The following ILKAP variants were observed in gnomAD, a reference collection of about 807,000 sequenced individuals.
ILKAP encodes integrin-linked kinase-associated serine/threonine phosphatase 2C.
ILKAP carries 11 observed loss-of-function variants against 49.1 expected under a neutral mutation model. The observed-to-expected ratio is 0.22, with a 90% CI of 0.14 to 0.37. The LOEUF is 0.37. Among genes scored for constraint, ILKAP ranks in the 10% least tolerant of loss-of-function variants. The pLI is 1.00. For synonymous variants in ILKAP, 186 were observed against 192.8 expected (o/e 0.96, Z 0.29); for missense variants, 363 against 510.8 (o/e 0.71, Z 2.79).
intron 2 of ILKAP, 56 bp from the exon 3 acceptor site, chr2:238,194,387 T>G: frequency 6.5e-7 from 1 of 1,529,876 alleles, no homozygotes; most frequent in Non-Finnish European, 9.1e-7. Flanking sequence ...GACTTAAGTT[T>G]CAGAATCCAT....
chr2:238,192,806 A>G (rs186729021), intron 3 of ILKAP, among the ~76,000 whole-genome samples: 164 of 152,200 alleles, frequency 1.1e-3, no homozygotes, highest in African/African-American at 3.8e-3. Context: ...CAAGGTCAGG[A>G]GTTCGAGACC....
intron 10 of ILKAP, among the ~76,000 whole-genome samples, chr2:238,171,633 C>T (rs1693223046): frequency 6.6e-6 from 1 of 152,170 alleles, no homozygotes; most frequent in Non-Finnish European, 1.5e-5. Flanking sequence ...AGGCAAACTC[C>T]AGAAAAATCA....
chr2:238,201,567 C>T (rs757250514), intron 1 of ILKAP, among the ~76,000 whole-genome samples: 3 of 152,314 alleles, frequency 2.0e-5, no homozygotes, highest in Middle Eastern at 3.4e-3. Context: ...TTGGAAAAAA[C>T]GGCAACAGGA....
At chr2:238,181,613 G>GT (rs1199889845) in intron 9 of ILKAP, among the ~76,000 whole-genome samples, 47 of 144,688 alleles carry the variant, frequency 3.2e-4, no homozygotes, top group East Asian at 6.2e-4. Flanking sequence ...AAAGTGACAG[G>GT]TTTTTTTTTT....
At chr2:238,193,602 T>G (rs982006953) in intron 3 of ILKAP, among the ~76,000 whole-genome samples, 4 of 152,228 alleles carry the variant, frequency 2.6e-5, no homozygotes, top group African/African-American at 9.7e-5. Context: ...GTGAGGATGC[T>G]GCAATTTTTT....
chr2:238,201,835 T>C (rs1264180353), intron 1 of ILKAP, among the ~76,000 whole-genome samples: 3 of 152,232 alleles, frequency 2.0e-5, no homozygotes, highest in Non-Finnish European at 4.4e-5. Flanking sequence ...ATCCAATTTT[T>C]ACCCACAGCT....
chr2:238,194,870 C>A lies in ILKAP; in HGVS notation c.56G>T (p.Gly19Val). The A allele has an allele frequency of 6.2e-7, 1 of 1,613,414 alleles. No individual in the cohort carries two copies. Among genetic ancestry groups the A allele is most frequent in the Non-Finnish European group, 8.5e-7 (1 of 1,179,388 alleles). ...CAGGGGTCCTTTCTGAGCTTCTTTC[C>A]CTAAAACACAGAAAACCTGTTTAGA... ...EPERSPRPAA[G>V]KEAQKGPLLF... Residue 19 changes from glycine (G) to valine (V), a missense_variant and splice_region_variant, in exon 2 of 12, where the codon GGG becomes GTG. Physicochemically the swap from Gly to Val is moderately radical, Grantham distance 109. Coordinates refer to ENST00000254654, the MANE Select transcript of ILKAP (RefSeq NM_030768.3).
intron 1 of ILKAP, among the ~76,000 whole-genome samples, chr2:238,199,866 T>C (rs1380687271): frequency 6.6e-6 from 1 of 152,146 alleles, no homozygotes; most frequent in Non-Finnish European, 1.5e-5. Context: ...CCTCCTGCCT[T>C]GTTCCCCCAA....
chr2:238,185,654 A>G (rs1205298259), intron 5 of ILKAP: 1 of 168,650 alleles, frequency 5.9e-6, no homozygotes, highest in Non-Finnish European at 1.3e-5. Context: ...ATACAAAAAA[A>G]TTAGCCGGGC....
In ILKAP at chr2:238,183,703, C is replaced by G; in HGVS notation, c.664G>C (p.Val222Leu). The G allele has an allele frequency of 1.2e-6, 2 of 1,613,436 alleles. No individual in the cohort carries two copies. Among genetic ancestry groups the G allele is most frequent in the East Asian group, 2.2e-5 (1 of 44,888 alleles). Reference sequence around the variant, plus strand: ...TAAAGAATGTTGTCTACAGCCAGAACACACGTGGCAGTGGACCCATCTTTC... The same window carrying G: ...TAAAGAATGTTGTCTACAGCCAGAAGACACGTGGCAGTGGACCCATCTTTC... The part of the protein sequence containing the change: ...AWKDGSTATC[V>L]LAVDNILYIA... The change falls in exon 8 of 12, where the codon GTT (valine) becomes CTT (leucine). Residue 222 changes from valine to leucine, a missense_variant. Physicochemically the swap from Val to Leu is conservative, Grantham distance 32 (BLOSUM62 1). Transcript: ENST00000254654.
chr2:238,180,515 T>C (rs1693646658), intron 9 of ILKAP, among the ~76,000 whole-genome samples: 1 of 152,232 alleles, frequency 6.6e-6, no homozygotes, highest in Non-Finnish European at 1.5e-5. Flanking sequence ...TTTGGAAATG[T>C]TTTACTATTG....
intron 9 of ILKAP, among the ~76,000 whole-genome samples, chr2:238,176,830 G>A (rs1693480823): frequency 6.6e-6 from 1 of 152,246 alleles, no homozygotes. Context: ...ATCCACAAGT[G>A]ATGTTTGCAA....
chr2:238,175,453 G>C (rs1322995163), intron 9 of ILKAP, among the ~76,000 whole-genome samples: 2 of 152,176 alleles, frequency 1.3e-5, no homozygotes, highest in African/African-American at 4.8e-5. Flanking sequence ...TAGAGTAACA[G>C]GAGAAAGCAC....
At chr2:238,179,438 T>C (rs992290917) in intron 9 of ILKAP, among the ~76,000 whole-genome samples, 2 of 152,234 alleles carry the variant, frequency 1.3e-5, no homozygotes, top group South Asian at 4.1e-4. Context: ...CTTTACAGAA[T>C]GCCCGCTAAT....
At chr2:238,174,559 T>C (rs942008415) in intron 9 of ILKAP, among the ~76,000 whole-genome samples, 3 of 152,176 alleles carry the variant, frequency 2.0e-5, no homozygotes, top group African/African-American at 7.2e-5. Context: ...GCGGTGCAGA[T>C]GGCTGCACAT....
rs748753715 is a variant in ILKAP at position 238,189,932 on chromosome 2, T to C, written c.219A>G (p.Glu73=). ...ATSISQMVKT[E]GKGAKRKTSE... is the part of the protein sequence containing the mutation. ...AGGTTTTTCTCTTTGCTCCTTTCCC[T>C]TCAGTCTTTACCATCTGGGATATTG... The change falls in exon 4 of 12, where the codon GAA becomes GAG. Residue 73 remains glutamate, a synonymous_variant. Transcript: ENST00000254654. The C allele has an allele frequency of 3.1e-6, 5 of 1,613,912 alleles. No individual in the cohort carries two copies. The African/African-American group carries it at 4.0e-5, about 13-fold the overall frequency.
chr2:238,175,997 G>A (rs997562846), intron 9 of ILKAP, among the ~76,000 whole-genome samples: 1 of 152,086 alleles, frequency 6.6e-6, no homozygotes, highest in African/African-American at 2.4e-5. Flanking sequence ...AGACACAATA[G>A]AAAGCTGTCT....
rs898864882 is a variant in ILKAP, at chr2:238,170,405, GA to G, written c.*130del. ...ACAGTATAATAACTCAAAAGACTAG[GA>G]AAAAAAAAGAGAAACCTTTATTTAC... On this transcript the variant is annotated 3_prime_UTR_variant, in exon 12 of 12. Coordinates refer to ENST00000254654, the MANE Select transcript of ILKAP (RefSeq NM_030768.3). The G allele has an allele frequency of 1.7e-4, 172 of 998,730 alleles. No homozygotes were observed. The highest frequency in any genetic ancestry group is 2.5e-4 in the Admixed American group (9 of 35,380). The allele number at this position is 998,730 out of a possible 1,614,324, so 61.9% of individuals were successfully genotyped here. A position where few individuals can be genotyped will look rare whatever the true frequency, so the allele number is the denominator to read the frequency against.
At position 238,170,997 on chromosome 2, in the gene ILKAP, G is replaced by A. The variant is rs763104298; in HGVS notation, c.984C>T (p.Leu328=). Residue 328 remains leucine (L), a synonymous_variant, in exon 11 of 12, where the codon CTC becomes CTT. Coordinates refer to ENST00000254654, the MANE Select transcript of ILKAP (RefSeq NM_030768.3). ...DRFILLACDG[L]FKVFTPEEAV... ...CTTCTTCTGGGGTAAAGACCTTGAA[G>A]AGCCCATCACAGGCCAACAAAATGA... The A allele has an allele frequency of 6.8e-6, 11 of 1,613,922 alleles. No homozygotes were observed. Among genetic ancestry groups the A allele is most frequent in the Non-Finnish European group, 9.3e-6 (11 of 1,179,976 alleles).
Sources: allele counts gnomAD v4.1 joint callset (sites outside exome capture counted in the v4.1 genomes callset), GRCh38; gene constraint gnomAD v4.1.1; transcripts MANE v1.5; gene names NCBI Gene and HGNC (gene_info 2026-07-23, HGNC 2026-07-21).